SIPA1L3: variants seen among roughly 807,000 people sequenced by gnomAD.
SIPA1L3 encodes signal-induced proliferation-associated 1-like protein 3.
SIPA1L3 carries 59 observed loss-of-function variants against 150.1 expected under a neutral mutation model. That is an observed-to-expected ratio of 0.39 (90% CI 0.32 to 0.49). The LOEUF is 0.49. Among genes scored for constraint, SIPA1L3 ranks in the 20% least tolerant of loss-of-function variants. The pLI, the probability that SIPA1L3 is intolerant of heterozygous loss-of-function variation, is 0.86. For missense variants in SIPA1L3, 2,211 were observed against 2,489.5 expected, an observed-to-expected ratio of 0.89 and a Z score of 2.38; for synonymous variants, 1,070 against 1,077.6, an observed-to-expected ratio of 0.99 and a Z score of 0.14.
chr19:37,984,026 A>G (rs1967273839), intron 1 of SIPA1L3, among the ~76,000 whole-genome samples: 1 of 152,134 alleles, frequency 6.6e-6, no homozygotes. Context: ...GTTGCACGAA[A>G]CTATGTGTTC....
chr19:38,110,019 T>G, intron 7 of SIPA1L3: 1 of 557,404 alleles, frequency 1.8e-6, no homozygotes, highest in Admixed American at 3.0e-5. Context: ...CGAGGAAGTG[T>G]TTCTGGCCAT....
At chr19:38,074,503 C>T (rs1969796427) in intron 2 of SIPA1L3, among the ~76,000 whole-genome samples, 1 of 152,248 alleles carries the variant, frequency 6.6e-6, no homozygotes, top group Admixed American at 6.5e-5. Flanking sequence ...CTGCTGAGGA[C>T]AGGCAGCGCC....
At chr19:37,990,777 T>C (rs983961824) in intron 1 of SIPA1L3, among the ~76,000 whole-genome samples, 2 of 152,222 alleles carry the variant, frequency 1.3e-5, no homozygotes, top group African/African-American at 4.8e-5. Context: ...ATTGGACCAC[T>C]GGTACCAACA....
intron 2 of SIPA1L3, among the ~76,000 whole-genome samples, chr19:38,053,882 G>A (rs1334436067): frequency 6.6e-6 from 1 of 150,742 alleles, no homozygotes; most frequent in East Asian, 2.0e-4. Flanking sequence ...TTTCCATTTT[G>A]TGAGGTTGGT....
intron 1 of SIPA1L3, among the ~76,000 whole-genome samples, chr19:38,012,322 G>A (rs948080990): frequency 3.9e-5 from 6 of 151,994 alleles, no homozygotes; most frequent in Admixed American, 3.3e-4. Context: ...CTGACCTCAA[G>A]CGTTCCTCCC....
At chr19:38,183,224 G>A (rs1348635143) in intron 16 of SIPA1L3, among the ~76,000 whole-genome samples, 1 of 152,130 alleles carries the variant, frequency 6.6e-6, no homozygotes, top group Non-Finnish European at 1.5e-5. Flanking sequence ...GCCACGGGAG[G>A]GCATGGAGCA....
Position 38,182,621 on chromosome 19 carries a change from C to T in SIPA1L3, c.4311C>T (p.Leu1437=), listed in dbSNP as rs540654899. The T allele has an allele frequency of 4.3e-6, 7 of 1,614,170 alleles. No homozygotes were observed. In the South Asian group the frequency reaches 5.5e-5, roughly 13 times the overall value. ...SQLAQPSPFQ[L]SASVPKSFFS... ...TGGCCCAGCCCAGCCCCTTTCAGCT[C>T]TCCGCCTCCGTCCCCAAGTCCTTCT... is the stretch of plus-strand genomic sequence containing the variant. The change falls in exon 16 of 22, where the codon CTC becomes CTT. Residue 1437 remains leucine, a synonymous_variant. Coordinates refer to ENST00000222345, the MANE Select transcript of SIPA1L3 (RefSeq NM_015073.3).
intron 8 of SIPA1L3, 81 bp downstream of exon 8, chr19:38,110,465 C>T (rs569841938): frequency 5.2e-6 from 6 of 1,150,148 alleles, no homozygotes; most frequent in East Asian, 2.4e-5. Context: ...AGTACAGGGC[C>T]CCCCCACACC....
At chr19:37,930,505 C>CA (rs749971535) in intron 1 of SIPA1L3, among the ~76,000 whole-genome samples, 6 of 151,914 alleles carry the variant, frequency 3.9e-5, no homozygotes, top group East Asian at 3.9e-4. Context: ...ACCCCCTTAC[C>CA]AAAAAAAATC....
intron 2 of SIPA1L3, among the ~76,000 whole-genome samples, chr19:38,076,711 C>T (rs1422006528): frequency 6.6e-6 from 1 of 152,156 alleles, no homozygotes; most frequent in African/African-American, 2.4e-5. Context: ...AGAAAATATG[C>T]AATTGCTTGA....
chr19:37,991,311 C>G (rs1005316170), intron 1 of SIPA1L3, among the ~76,000 whole-genome samples: 2 of 152,224 alleles, frequency 1.3e-5, no homozygotes, highest in Non-Finnish European at 2.9e-5. Context: ...TGAACCCAGG[C>G]CATCTGGCTT....
At chr19:37,915,077 G>A (rs986272299) in intron 1 of SIPA1L3, among the ~76,000 whole-genome samples, 1 of 152,164 alleles carries the variant, frequency 6.6e-6, no homozygotes, top group Non-Finnish European at 1.5e-5. Context: ...TGTTTGACAT[G>A]CAAAGCACTT....
intron 1 of SIPA1L3, among the ~76,000 whole-genome samples, chr19:37,971,312 C>T (rs1372552686): frequency 6.6e-6 from 1 of 151,936 alleles, no homozygotes. Flanking sequence ...TGATGGTTTT[C>T]AGTGTATTTT....
chr19:38,085,931 G>A (rs1003784649), intron 3 of SIPA1L3, among the ~76,000 whole-genome samples: 1 of 152,148 alleles, frequency 6.6e-6, no homozygotes. Context: ...GGAAGGCAGA[G>A]GTTGCAGTGA....
At chr19:38,025,930 T>C (rs1398622798) in intron 1 of SIPA1L3, among the ~76,000 whole-genome samples, 1 of 152,250 alleles carries the variant, frequency 6.6e-6, no homozygotes, top group Non-Finnish European at 1.5e-5. Flanking sequence ...CTATGTATAG[T>C]GACTGTTTCT....
intron 1 of SIPA1L3, among the ~76,000 whole-genome samples, chr19:37,983,905 CA>C (rs397859822): frequency 0.36 from 27,258 of 75,874 alleles, 2,308 homozygotes; most frequent in Middle Eastern, 0.38. Flanking sequence ...GACCCCATCT[CA>C]AAAAAAAAAA....
chr19:38,012,147 T>C (rs1404470382), intron 1 of SIPA1L3, among the ~76,000 whole-genome samples: 3 of 151,430 alleles, frequency 2.0e-5, no homozygotes, highest in African/African-American at 7.3e-5. Context: ...AGTGCAGTGA[T>C]GTGATCTCGG....
chr19:38,081,365 T>G lies in SIPA1L3; in HGVS notation c.-201T>G. 5.3e-6 allele frequency: 3 copies of G among 565,860 alleles called. No homozygotes were observed. The highest frequency in any genetic ancestry group is 9.3e-6 in the Non-Finnish European group (3 of 322,964). The allele number at this position is 565,860 out of a possible 1,614,324, so 35.1% of individuals were successfully genotyped here. A position where few individuals can be genotyped will look rare whatever the true frequency, so the allele number is the denominator to read the frequency against. Reference sequence around the variant, plus strand: ...TGGAGCCCCCAGGACAGCACCTGCTTCCTGAGGTTGTCCTGGCTCAGCTGT... The same window carrying G: ...TGGAGCCCCCAGGACAGCACCTGCTGCCTGAGGTTGTCCTGGCTCAGCTGT... On this transcript the variant is annotated 5_prime_UTR_variant, in exon 3 of 22. Transcript: ENST00000222345.
At chr19:38,028,004 T>C (rs1968553189) in intron 1 of SIPA1L3, among the ~76,000 whole-genome samples, 1 of 152,024 alleles carries the variant, frequency 6.6e-6, no homozygotes, top group South Asian at 2.1e-4. Flanking sequence ...TGGGAGGGAT[T>C]GTTATTAGTG....
Sources: gnomAD v4.1 joint callset for allele counts (sites outside exome capture counted in the v4.1 genomes callset) on GRCh38, gnomAD v4.1.1 for gene constraint, MANE v1.5 for transcripts, NCBI Gene and HGNC (gene_info 2026-07-23, HGNC 2026-07-21) for gene names.